GABRG3: variants seen among roughly 807,000 people sequenced by gnomAD.
The protein encoded by GABRG3 is gamma-aminobutyric acid type A receptor subunit gamma3.
A neutral mutation model predicts 48.8 loss-of-function variants in GABRG3; 25 were observed. The observed-to-expected ratio is 0.51, with a 90% CI of 0.37 to 0.72. The LOEUF (loss-of-function observed/expected upper bound fraction) is 0.72, where lower values mean the gene tolerates loss of function less well. Ranked by LOEUF, GABRG3 falls within the 30% of genes least tolerant of loss-of-function variation. The pLI is 0.00. For synonymous variants in GABRG3, 227 were observed against 217.6 expected (o/e 1.04, Z -0.38); for missense variants, 394 against 577.9 (o/e 0.68, Z 3.26).
At chr15:27,148,208 T>G (rs2140394624) in intron 3 of GABRG3, among the ~76,000 whole-genome samples, 1 of 152,052 alleles carries the variant, frequency 6.6e-6, no homozygotes. Flanking sequence ...AATATTTAGA[T>G]TATTACCTAA....
chr15:27,050,032 C>T (rs981643325), intron 3 of GABRG3, among the ~76,000 whole-genome samples: 5 of 152,124 alleles, frequency 3.3e-5, no homozygotes, highest in Non-Finnish European at 5.9e-5. Flanking sequence ...CTGAGACGGG[C>T]CTTTCCAAAA....
chr15:27,453,006 C>G (rs891163828), intron 5 of GABRG3, among the ~76,000 whole-genome samples: 2 of 152,018 alleles, frequency 1.3e-5, no homozygotes, highest in African/African-American at 2.4e-5. Context: ...TGGGATGAAC[C>G]TGAAGGACAT....
chr15:27,470,743 ACT>A (rs1889763024), intron 5 of GABRG3, among the ~76,000 whole-genome samples: 1 of 151,882 alleles, frequency 6.6e-6, no homozygotes, highest in African/African-American at 2.4e-5. Context: ...CTTATAGGGT[ACT>A]TTTTTGCCAT....
At chr15:27,112,354 T>G in intron 3 of GABRG3, among the ~76,000 whole-genome samples, 1 of 152,144 alleles carries the variant, frequency 6.6e-6, no homozygotes, top group East Asian at 1.9e-4. Flanking sequence ...GCTCTCAATA[T>G]ATGTATGCGC....
At chr15:27,360,007 G>A (rs191293002) in intron 5 of GABRG3, among the ~76,000 whole-genome samples, 1 of 152,272 alleles carries the variant, frequency 6.6e-6, no homozygotes, top group African/African-American at 2.4e-5. Flanking sequence ...GTGAAGGTTT[G>A]GGGACAGAGG....
At chr15:27,374,301 TTTTG>T (rs1301894367) in intron 5 of GABRG3, among the ~76,000 whole-genome samples, 1 of 151,852 alleles carries the variant, frequency 6.6e-6, no homozygotes, top group Non-Finnish European at 1.5e-5. Context: ...CCTGGCTAAT[TTTTG>T]TATTTTTTGT....
At chr15:27,292,115 ACTCATC>A (rs976516846) in intron 3 of GABRG3, among the ~76,000 whole-genome samples, 10 of 152,102 alleles carry the variant, frequency 6.6e-5, no homozygotes, top group Non-Finnish European at 8.8e-5. Flanking sequence ...AAGGACATGA[ACTCATC>A]CTTTTTTAAT....
chr15:27,494,087 C>T (rs911273768), intron 6 of GABRG3, among the ~76,000 whole-genome samples: 3 of 151,840 alleles, frequency 2.0e-5, no homozygotes, highest in Non-Finnish European at 2.9e-5. Flanking sequence ...TTGTGGGTTG[C>T]ATTGATCGAT....
At chr15:27,344,729 A>AT (rs1172735603) in intron 5 of GABRG3, among the ~76,000 whole-genome samples, 1 of 152,050 alleles carries the variant, frequency 6.6e-6, no homozygotes, top group Non-Finnish European at 1.5e-5. Context: ...TTTAATTTAA[A>AT]TTTTAGTCTT....
chr15:27,266,325 A>C (rs2168149), intron 3 of GABRG3, among the ~76,000 whole-genome samples: 377 of 151,788 alleles, frequency 2.5e-3, no homozygotes, highest in African/African-American at 8.2e-3. Flanking sequence ...TCAGTACTTT[A>C]TGCTGAAGAT....
In GABRG3 at chr15:27,092,981, G is replaced by A. The variant is rs139542054; in HGVS notation, c.270+66160G>A. On this transcript the variant is annotated intron_variant, in intron 3 of 9. Transcript: ENST00000615808. The stretch of plus-strand genomic sequence containing the variant: ...GCAGTTGAAAGGGAATTGAGAAGGG[G>A]CCTCCTTCTGTAATTTGTTTTCCTG... 5.0e-3 allele frequency among the ~76,000 whole-genome samples: 755 copies of A among 151,990 alleles called. 5 individuals carry two copies. The highest frequency in any genetic ancestry group is 0.017 in the Middle Eastern group (5 of 294).
rs1317572696 is a variant in GABRG3, at chr15:27,352,897, G to A, written c.574+24009G>A. On this transcript the variant is annotated intron_variant, in intron 5 of 9. Coordinates refer to ENST00000615808, the MANE Select transcript of GABRG3 (RefSeq NM_033223.5). This position sits in a 1 kb window ranked among gnomAD's most constrained non-coding sequence, Gnocchi z 4.0. ...GCTCACTTGGTAAGTCATTGCATCT[G>A]CATTATCTTATCATCACGATTGCTG... Among the ~76,000 whole-genome samples, 2 of 152,160 alleles carry A rather than the reference G, an allele frequency of 1.3e-5. No homozygotes were observed. The highest frequency in any genetic ancestry group is 1.3e-4 in the Admixed American group (2 of 15,284).
At chr15:27,435,082 C>A (rs1425013136) in intron 5 of GABRG3, among the ~76,000 whole-genome samples, 1 of 152,066 alleles carries the variant, frequency 6.6e-6, no homozygotes, top group African/African-American at 2.4e-5. Context: ...TATGCAGGAC[C>A]TGTGCCCCAC....
chr15:26,980,992 T>C (rs923473265), intron 2 of GABRG3, among the ~76,000 whole-genome samples: 1 of 152,278 alleles, frequency 6.6e-6, no homozygotes, highest in South Asian at 2.1e-4. Flanking sequence ...ATTACCTGGG[T>C]GATGAAATAA....
At chr15:27,065,274 G>A (rs867175189) in intron 3 of GABRG3, among the ~76,000 whole-genome samples, 23 of 152,340 alleles carry the variant, frequency 1.5e-4, no homozygotes, top group African/African-American at 3.6e-4. Context: ...ACAATGAAAC[G>A]TTTAAATAGG....
chr15:26,976,927 G>C lies in GABRG3; in HGVS notation c.54-75G>C, dbSNP rs1269674523. Reference sequence around the variant, plus strand: ...ACTTTCTACCCATTTCATGGTACTTGGATAGGACAAACTTAGGCTCTTCCT... The same window carrying C: ...ACTTTCTACCCATTTCATGGTACTTCGATAGGACAAACTTAGGCTCTTCCT... On this transcript the variant is annotated intron_variant, in intron 1 of 9. Transcript: ENST00000615808. This position sits in a 1 kb window ranked among gnomAD's most constrained non-coding sequence, Gnocchi z 7.8. The C allele has an allele frequency of 4.0e-6, 6 of 1,510,020 alleles. No homozygotes were observed. Among genetic ancestry groups the C allele is most frequent in the Non-Finnish European group, 5.5e-6 (6 of 1,093,320 alleles). The allele number at this position is 1,510,020 out of a possible 1,614,324, so 93.5% of individuals were successfully genotyped here.
intron 3 of GABRG3, among the ~76,000 whole-genome samples, chr15:27,125,072 T>C (rs1228869010): frequency 6.6e-6 from 1 of 152,176 alleles, no homozygotes; most frequent in Non-Finnish European, 1.5e-5. Context: ...TTCCAAAACA[T>C]TTTAATTTAA....
intron 3 of GABRG3, among the ~76,000 whole-genome samples, chr15:27,163,835 C>T (rs1401586011): frequency 1.3e-5 from 2 of 152,160 alleles, no homozygotes; most frequent in African/African-American, 4.8e-5. Context: ...CTTGTCTTAA[C>T]CATTCCATGA....
intron 5 of GABRG3, among the ~76,000 whole-genome samples, chr15:27,471,994 C>T (rs1453477838): frequency 6.6e-6 from 1 of 152,116 alleles, no homozygotes; most frequent in Non-Finnish European, 1.5e-5. Context: ...AGTTAATAAT[C>T]TTCTTATTGA....
Sources: allele counts gnomAD v4.1 joint callset (sites outside exome capture counted in the v4.1 genomes callset), GRCh38; gene constraint gnomAD v4.1.1; non-coding constraint Gnocchi (gnomAD v3.1); transcripts MANE v1.5; gene names NCBI Gene and HGNC (gene_info 2026-07-23, HGNC 2026-07-21).